Variants in PXK observed in about 807,000 individuals in gnomAD.
PXK encodes PX domain containing serine/threonine kinase like, also known as PX domain-containing protein kinase-like protein.
Under a neutral mutation model 84.7 loss-of-function variants are expected in PXK, and 35 were observed. That is an observed-to-expected ratio of 0.41 (90% CI 0.32 to 0.55). The LOEUF is 0.55. Among genes scored for constraint, PXK ranks in the 20% least tolerant of loss-of-function variants. The pLI is 0.21. For missense variants in PXK, 634 were observed against 699.7 expected (o/e 0.91, Z 1.06); for synonymous variants, 253 against 260.8 (o/e 0.97, Z 0.29).
rs1164673913 is a variant in PXK at position 58,364,152 on chromosome 3, A to G, written c.103-1722A>G. Among the ~76,000 whole-genome samples the G allele has an allele frequency of 6.6e-6, 1 of 152,144 alleles. No homozygotes were observed. Among genetic ancestry groups the G allele is most frequent in the East Asian group, 1.9e-4 (1 of 5,200 alleles). On this transcript the variant is annotated intron_variant, in intron 1 of 17. Transcript: ENST00000356151. This position sits in a 1 kb window ranked among gnomAD's most constrained non-coding sequence, Gnocchi z 4.3. The stretch of plus-strand genomic sequence containing the variant: ...AATTCAATTTACTAATATTTTGGTA[A>G]GGATTTTTGAGCCTATGTTTGTGAA...
At chr3:58,386,772 G>T (rs1048657342) in intron 4 of PXK, among the ~76,000 whole-genome samples, 1 of 152,154 alleles carries the variant, frequency 6.6e-6, no homozygotes, top group African/African-American at 2.4e-5. Context: ...TTTGTCATTA[G>T]CAGCATTTCC....
intron 2 of PXK, among the ~76,000 whole-genome samples, chr3:58,368,278 G>T (rs879833477): frequency 2.6e-5 from 4 of 152,168 alleles, no homozygotes; most frequent in Non-Finnish European, 4.4e-5. Context: ...AGGTAGAGGG[G>T]CTAGAGACAG....
At chr3:58,378,954 G>C (rs538282498) in intron 3 of PXK, among the ~76,000 whole-genome samples, 1 of 150,706 alleles carries the variant, frequency 6.6e-6, no homozygotes, top group Admixed American at 6.6e-5. Flanking sequence ...ACAGAGTTTT[G>C]CTCTGTTGCC....
intron 17 of PXK, chr3:58,423,428 A>T (rs1268157652): frequency 6.6e-7 from 1 of 1,523,490 alleles, no homozygotes; most frequent in South Asian, 1.2e-5. Flanking sequence ...GCAGAGCATG[A>T]GCGTGTGTAT....
rs551536246 is a variant in PXK at position 58,333,656 on chromosome 3, G to T, written c.102+566G>T. On this transcript the variant is annotated intron_variant, in intron 1 of 17. Transcript: ENST00000356151. The surrounding 1 kb of genome is among the most constrained non-coding windows in gnomAD (Gnocchi z 5.4). ...CGCTTGGCCCTGGTCCCGGGAAGTG[G>T]TGGGGGCGGCAGTCGGGGCGCTGTT... 42 of 456,670 alleles carry T rather than the reference G, an allele frequency of 9.2e-5. No individual in the cohort carries two copies. Among genetic ancestry groups the T allele is most frequent in the Admixed American group, 2.6e-4 (11 of 42,576 alleles). The allele number at this position is 456,670 out of a possible 1,614,324, so 28.3% of individuals were successfully genotyped here. A position where few individuals can be genotyped will look rare whatever the true frequency, so the allele number is the denominator to read the frequency against.
Position 58,422,771 on chromosome 3 carries a change from C to G in PXK, c.1529-1981C>G, listed in dbSNP as rs967542615. ...CCAGCCCTGAGGCCCGTCTCCAGCC[C>G]CCCAAAATCCTTGCCTGGAGGGCTA... is the stretch of plus-strand genomic sequence containing the variant. On this transcript the variant is annotated intron_variant, in intron 17 of 17. Transcript: ENST00000356151. 3 of 985,280 alleles carry G rather than the reference C, an allele frequency of 3.0e-6. No individual in the cohort carries two copies. In the African/African-American group the frequency reaches 5.2e-5, roughly 17 times the overall value. The allele number at this position is 985,280 out of a possible 1,614,324, so 61.0% of individuals were successfully genotyped here.
At chr3:58,393,832 G>A (rs2098655307) in intron 7 of PXK, among the ~76,000 whole-genome samples, 1 of 151,894 alleles carries the variant, frequency 6.6e-6, no homozygotes, top group Non-Finnish European at 1.5e-5. Context: ...TATTCCTTCC[G>A]TATTTACTTA....
intron 1 of PXK, among the ~76,000 whole-genome samples, chr3:58,363,089 AT>A (rs1207872392): frequency 1.3e-5 from 2 of 152,212 alleles, no homozygotes; most frequent in Non-Finnish European, 2.9e-5. Context: ...AAACATGTAT[AT>A]CAATTTAGGG....
Position 58,397,232 on chromosome 3 carries a change from C to A in PXK, c.984+32C>A. On this transcript the variant is annotated intron_variant, in intron 10 of 17. Coordinates refer to ENST00000356151, the MANE Select transcript of PXK (RefSeq NM_017771.5). This position sits in a 1 kb window ranked among gnomAD's most constrained non-coding sequence, Gnocchi z 4.7. ...TGCTAAAGTAATGAAATAGCAGGTT[C>A]ATTTTTAGGTGTCAGTTATCCCCAT... 6.2e-7 allele frequency: 1 copy of A among 1,601,120 alleles called. No homozygotes were observed. Among genetic ancestry groups the A allele is most frequent in the South Asian group, 1.1e-5 (1 of 90,744 alleles).
chr3:58,378,512 T>TGTGTGTG (rs1553776508), intron 3 of PXK, among the ~76,000 whole-genome samples: 6 of 29,074 alleles, frequency 2.1e-4, no homozygotes, highest in African/African-American at 2.7e-4. Context: ...TTTTTTTTTT[T>TGTGTGTG]TGTGTGTGTG....
chr3:58,345,146 A>G (rs934229015), intron 1 of PXK, among the ~76,000 whole-genome samples: 2 of 152,318 alleles, frequency 1.3e-5, no homozygotes, highest in Admixed American at 6.5e-5. Context: ...GAAGCAAAGT[A>G]CTAAAGGGCC....
intron 7 of PXK, 35 bp from the exon 8 acceptor site, chr3:58,394,963 G>A (rs2057401741): frequency 6.6e-6 from 10 of 1,512,492 alleles, no homozygotes; most frequent in Admixed American, 1.7e-5. Context: ...AGATCCTGAC[G>A]CAAATCAATG....
intron 2 of PXK, among the ~76,000 whole-genome samples, chr3:58,368,472 G>A (rs577310608): frequency 6.6e-6 from 1 of 152,204 alleles, no homozygotes; most frequent in Non-Finnish European, 1.5e-5. Flanking sequence ...ACAGGTGCTC[G>A]CCACCATGCC....
chr3:58,393,868 C>T (rs1398219349), intron 7 of PXK, among the ~76,000 whole-genome samples: 1 of 152,170 alleles, frequency 6.6e-6, no homozygotes. Flanking sequence ...CTCTAAAGAG[C>T]TTCTCTTCTC....
intron 1 of PXK, among the ~76,000 whole-genome samples, chr3:58,344,475 A>C (rs987913131): frequency 6.6e-6 from 1 of 152,160 alleles, no homozygotes; most frequent in African/African-American, 2.4e-5. Flanking sequence ...GATGCAGCTC[A>C]GGGCCTCCTT....
chr3:58,399,584 C>T lies in PXK; in HGVS notation c.1181+207C>T, dbSNP rs1163676834. 6.6e-6 allele frequency among the ~76,000 whole-genome samples: 1 copy of T among 152,202 alleles called. No individual in the cohort carries two copies. On this transcript the variant is annotated intron_variant, in intron 12 of 17. Coordinates refer to ENST00000356151, the MANE Select transcript of PXK (RefSeq NM_017771.5). The surrounding 1 kb of genome is among the most constrained non-coding windows in gnomAD (Gnocchi z 4.3). ...TCCTGGTCTGATGGCTATCCTTTAACATCTGTGTCATTTTCACGTGTATCT... is the reference window on the plus strand; with the variant it reads ...TCCTGGTCTGATGGCTATCCTTTAATATCTGTGTCATTTTCACGTGTATCT...
At chr3:58,389,522 T>C (rs1231555381) in intron 4 of PXK, among the ~76,000 whole-genome samples, 1 of 152,140 alleles carries the variant, frequency 6.6e-6, no homozygotes, top group African/African-American at 2.4e-5. Context: ...TAATTTTAGA[T>C]TTACATAGAA....
chr3:58,382,582 T>C lies in PXK; in HGVS notation c.270T>C (p.Ala90=). The C allele has an allele frequency of 6.2e-7, 1 of 1,607,870 alleles. No homozygotes were observed. Among genetic ancestry groups the C allele is most frequent in the Non-Finnish European group, 8.5e-7 (1 of 1,177,924 alleles). Residue 90 remains alanine (A), a synonymous_variant, in exon 4 of 18, where the codon GCT becomes GCC. Coordinates refer to ENST00000356151, the MANE Select transcript of PXK (RefSeq NM_017771.5). ...GTAACATGGATCGTGAATTCATAGCTGAAAGGCAGAAAGGTCTTCAGAACT... is the reference window on the plus strand; with the variant it reads ...GTAACATGGATCGTGAATTCATAGCCGAAAGGCAGAAAGGTCTTCAGAACT... The part of the protein sequence containing the change: ...LIGNMDREFI[A]ERQKGLQNYL...
intron 13 of PXK, among the ~76,000 whole-genome samples, chr3:58,404,305 A>C (rs2107432929): frequency 6.6e-6 from 1 of 152,282 alleles, no homozygotes; most frequent in South Asian, 2.1e-4. Context: ...CTTTGTTCCT[A>C]CAATATTAGC....
Sources: allele counts gnomAD v4.1 joint callset (sites outside exome capture counted in the v4.1 genomes callset), GRCh38; gene constraint gnomAD v4.1.1; non-coding constraint Gnocchi (gnomAD v3.1); transcripts MANE v1.5; gene names NCBI Gene and HGNC (gene_info 2026-07-23, HGNC 2026-07-21).